The following HIP1R variants were observed in gnomAD, a reference collection of about 807,000 sequenced individuals.
The protein encoded by HIP1R is huntingtin interacting protein 1 related, also known as huntingtin-interacting protein 1-related protein.
Under a neutral mutation model 144.2 loss-of-function variants are expected in HIP1R, and 135 were observed. The ratio of observed to expected loss-of-function variants is 0.94; its 90% CI spans 0.81 to 1.08. HIP1R has a LOEUF of 1.08. Ranked by LOEUF, HIP1R falls within the 50% of genes least tolerant of loss-of-function variation. HIP1R has a pLI of 0.00. For synonymous variants in HIP1R, 698 were observed against 612.8 expected (o/e 1.14, Z -2.05); for missense variants, 1,462 against 1,432.8 (o/e 1.02, Z -0.33).
chr12:122,851,051 A>T, intron 6 of HIP1R, 140 bp downstream of exon 6: 3 of 878,290 alleles, frequency 3.4e-6, no homozygotes, highest in Middle Eastern at 3.3e-4. Flanking sequence ...TCACGCTCCC[A>T]GGGACAGAGG....
At chr12:122,861,084 A>C in intron 29 of HIP1R, 45 bp downstream of exon 29, 1 of 1,613,442 alleles carries the variant, frequency 6.2e-7, no homozygotes. Context: ...CCGAGGCTGA[A>C]TGGGGGTGGG....
Position 122,861,414 on chromosome 12 carries a change from A to G in HIP1R, c.3059A>G (p.Glu1020Gly). 6.2e-7 allele frequency: 1 copy of G among 1,613,352 alleles called. No homozygotes were observed. Among genetic ancestry groups the G allele is most frequent in the Non-Finnish European group, 8.5e-7 (1 of 1,179,832 alleles). The change falls in exon 31 of 32, where the codon GAG becomes GGG. Residue 1020 changes from glutamate (E) to glycine (G), a missense_variant. Transcript: ENST00000253083. ...GCTGGGGCATCAGGCAGCCCTGGAG[A>G]GGAGGTGGCCATCCGGCCCAGCACT... ...VLAGASGSPG[E>G]EVAIRPSTAP...
Position 122,854,941 on chromosome 12 carries a change from G to A in HIP1R, c.755G>A (p.Arg252Gln), listed in dbSNP as rs760702351. ...PADTLQGHRD[R>Q]FHEQFHSLRN... ...GACACCCTGCAAGGCCACAGGGACC[G>A]GTTCCACGAGCAGTTTCACAGGTAC... Residue 252 changes from arginine (R) to glutamine (Q), a missense_variant, in exon 9 of 32, where the codon CGG (arginine) becomes CAG (glutamine). Coordinates refer to ENST00000253083, the MANE Select transcript of HIP1R (RefSeq NM_003959.3). The A allele has an allele frequency of 8.7e-6, 14 of 1,612,226 alleles. No individual in the cohort carries two copies. Among genetic ancestry groups the A allele is most frequent in the Middle Eastern group, 1.7e-4 (1 of 6,044 alleles).
At chr12:122,857,244 A>G (rs2033614353) in intron 18 of HIP1R, 29 bp downstream of exon 18, 2 of 1,535,604 alleles carry the variant, frequency 1.3e-6, no homozygotes, top group East Asian at 2.5e-5. Flanking sequence ...CAGCAGCACC[A>G]CTGAGTTCAC....
chr12:122,846,527 T>G (rs963513864), intron 1 of HIP1R, among the ~76,000 whole-genome samples: 6 of 152,188 alleles, frequency 3.9e-5, no homozygotes, highest in African/African-American at 1.4e-4. Flanking sequence ...GATACGAGTT[T>G]GTTCAAGGAA....
intron 1 of HIP1R, among the ~76,000 whole-genome samples, chr12:122,838,810 T>G (rs12299742): frequency 0.11 from 16,487 of 152,024 alleles, 1,539 homozygotes; most frequent in African/African-American, 0.25. Flanking sequence ...TCGGACTGAG[T>G]CCATGTGAGA....
In HIP1R at chr12:122,859,827, A is replaced by G; in HGVS notation, c.2462A>G (p.Glu821Gly). The G allele has an allele frequency of 6.2e-7, 1 of 1,612,322 alleles. No individual in the cohort carries two copies. Among genetic ancestry groups the G allele is most frequent in the South Asian group, 1.1e-5 (1 of 90,956 alleles). The change falls in exon 24 of 32, where the codon GAG (glutamate) becomes GGG (glycine). Residue 821 changes from glutamate (E) to glycine (G), a missense_variant. Glu to Gly is a moderately conservative substitution (Grantham distance 98). This residue lies in a region of HIP1R where 1,112 missense variants were observed against 1,011.7 expected (regional missense o/e 1.10). Coordinates refer to ENST00000253083, the MANE Select transcript of HIP1R (RefSeq NM_003959.3). The part of the protein sequence containing the change: ...ASSGVKLEVN[E>G]RILNSCTDLM... ...TCGGGGGTGAAGCTGGAGGTGAACG[A>G]GAGGTGAGCCCCCCTTCTGTCCCCC... is the stretch of plus-strand genomic sequence containing the variant.
intron 11 of HIP1R, 23 bp from the exon 12 acceptor site, chr12:122,855,528 G>T (rs557693664): frequency 3.9e-6 from 6 of 1,549,454 alleles, no homozygotes; most frequent in Admixed American, 3.9e-5. Context: ...GGTGAGTGGG[G>T]TCACCATGCT....
Position 122,858,373 on chromosome 12 carries a change from A to C in HIP1R, c.1988A>C (p.Glu663Ala). ...SPDYLVSRAQ[E>A]ALDAVSTLEE... ...GACTACCTGGTGAGCAGGGCCCAGGAGGCCTTGGATGCCGTGAGCACCCTG... is the reference window on the plus strand; with the variant it reads ...GACTACCTGGTGAGCAGGGCCCAGGCGGCCTTGGATGCCGTGAGCACCCTG... Residue 663 changes from glutamate (E) to alanine (A), a missense_variant, in exon 20 of 32, where the codon GAG (glutamate) becomes GCG (alanine). Physicochemically the swap from Glu to Ala is moderately radical, Grantham distance 107 (BLOSUM62 -1). Around this residue, in one of 2 missense-constraint regions of HIP1R, gnomAD observed 1,112 missense variants for 1,011.7 expected, o/e 1.10. Coordinates refer to ENST00000253083, the MANE Select transcript of HIP1R (RefSeq NM_003959.3). 6.2e-7 allele frequency: 1 copy of C among 1,610,670 alleles called. No individual in the cohort carries two copies. Among genetic ancestry groups the C allele is most frequent in the Non-Finnish European group, 8.5e-7 (1 of 1,178,322 alleles).
chr12:122,839,854 C>T (rs749388684), intron 1 of HIP1R, among the ~76,000 whole-genome samples: 4 of 152,250 alleles, frequency 2.6e-5, no homozygotes, highest in Non-Finnish European at 5.9e-5. Context: ...CACAGCTGAT[C>T]TCAGTCTGGA....
In HIP1R at chr12:122,849,825, T is replaced by G. The variant is rs533193550; in HGVS notation, c.358-50T>G. ...CTCGTGCCCAGGTCCTTGAGGACTC[T>G]TGGACGTGTTCACGAGCCGTGGCCC... On this transcript the variant is annotated intron_variant, in intron 4 of 31. Transcript: ENST00000253083. 27 of 1,386,042 alleles carry G rather than the reference T, an allele frequency of 1.9e-5. No homozygotes were observed. The African/African-American group carries it at 2.5e-4, about 13-fold the overall frequency. 85.9% of individuals were successfully genotyped at this position (1,386,042 alleles called of 1,614,324 possible).
chr12:122,837,713 T>TA (rs1460564978), intron 1 of HIP1R, among the ~76,000 whole-genome samples: 1 of 152,240 alleles, frequency 6.6e-6, no homozygotes, highest in Non-Finnish European at 1.5e-5. Flanking sequence ...TCACAGGTCT[T>TA]ACCTATTCTA....
rs552378575 is a variant in HIP1R at position 122,858,179 on chromosome 12, C to G, written c.1893C>G (p.Ala631=). Residue 631 remains alanine (A), a synonymous_variant, in exon 19 of 32, where the codon GCC becomes GCG. Transcript: ENST00000253083. ...FAVLRGAAAE[A]AGILQDAVSK... ...TGTTGCGGGGCGCTGCTGCCGAGGCCGCGGGCATCCTGCAGGATGCCGTGA... is the reference window on the plus strand; with the variant it reads ...TGTTGCGGGGCGCTGCTGCCGAGGCGGCGGGCATCCTGCAGGATGCCGTGA... 6.2e-7 allele frequency: 1 copy of G among 1,607,458 alleles called. No homozygotes were observed. The highest frequency in any genetic ancestry group is 1.1e-5 in the South Asian group (1 of 90,838).
chr12:122,855,149 C>T, intron 10 of HIP1R, 21 bp downstream of exon 10: 1 of 1,610,872 alleles, frequency 6.2e-7, no homozygotes, highest in South Asian at 1.1e-5. Context: ...CAAGAGGGCC[C>T]CGAGGCCCTT....
chr12:122,855,340 C>A lies in HIP1R; in HGVS notation c.928C>A (p.Pro310Thr), dbSNP rs1465538138. Reference protein sequence around the residue: ...KPVVVIPEEAPEDEEPENLIE... With the variant: ...KPVVVIPEEATEDEEPENLIE... ...GGTGGTGGTGATCCCCGAGGAGGCC[C>A]CGGAAGATGAGGAGCCGGAGAATCT... Residue 310 changes from proline to threonine, a missense_variant, in exon 11 of 32, where the codon CCG becomes ACG. By Grantham distance (38) the Pro-to-Thr change is conservative. Transcript: ENST00000253083. 1 of 1,610,046 alleles carries A rather than the reference C, an allele frequency of 6.2e-7. No individual in the cohort carries two copies. The highest frequency in any genetic ancestry group is 1.7e-5 in the Admixed American group (1 of 59,586).
Position 122,860,447 on chromosome 12 carries a change from T to C in HIP1R, c.2584T>C (p.Tyr862His). The change falls in exon 27 of 32, where the codon TAC (tyrosine) becomes CAC (histidine). Residue 862 changes from tyrosine (Y) to histidine (H), a missense_variant. Tyr to His is a moderately conservative substitution (Grantham distance 83). Coordinates refer to ENST00000253083, the MANE Select transcript of HIP1R (RefSeq NM_003959.3). The stretch of plus-strand genomic sequence containing the variant: ...GGGGGCAGCCACGCAGCAGGAATTT[T>C]ACGCCAAGAACTCGCGCTGGACCGA... ...GRGAATQQEF[Y>H]AKNSRWTEGL... is the part of the protein sequence containing the mutation. The C allele has an allele frequency of 6.2e-7, 1 of 1,613,458 alleles. No homozygotes were observed. Among genetic ancestry groups the C allele is most frequent in the Non-Finnish European group, 8.5e-7 (1 of 1,180,010 alleles).
At chr12:122,845,876 G>A (rs778819737) in intron 1 of HIP1R, among the ~76,000 whole-genome samples, 10 of 152,256 alleles carry the variant, frequency 6.6e-5, no homozygotes, top group Non-Finnish European at 8.8e-5. Context: ...GTCTTTCCTC[G>A]CAAAGAGGAG....
chr12:122,849,153 C>T lies in HIP1R; in HGVS notation c.357+301C>T, dbSNP rs549490703. ...ACCTCGGTGGTTAGAGAGCCTGTGG[C>T]AGGGCGCAGGTTCCTGGGCTCCCCC... On this transcript the variant is annotated intron_variant, in intron 4 of 31. Transcript: ENST00000253083. Among the ~76,000 whole-genome samples, 7 of 152,376 alleles carry T rather than the reference C, an allele frequency of 4.6e-5. No individual in the cohort carries two copies. The East Asian group carries it at 5.8e-4, about 13-fold the overall frequency.
At position 122,858,153 on chromosome 12, in the gene HIP1R, G is replaced by C. The variant is rs202046624; in HGVS notation, c.1867G>C (p.Val623Leu). The change falls in exon 19 of 32, where the codon GTG becomes CTG. Residue 623 changes from valine (V) to leucine (L), a missense_variant. Physicochemically the swap from Val to Leu is conservative, Grantham distance 32 (BLOSUM62 1). Transcript: ENST00000253083. ...RQRLLDEQFAVLRGAAAEAAG... is the reference protein window; with the variant it reads ...RQRLLDEQFALLRGAAAEAAG... ...GAGGCTGCTGGACGAGCAGTTCGCA[G>C]TGTTGCGGGGCGCTGCTGCCGAGGC... 2 of 1,605,234 alleles carry C rather than the reference G, an allele frequency of 1.2e-6. No individual in the cohort carries two copies. Among genetic ancestry groups the C allele is most frequent in the East Asian group, 2.2e-5 (1 of 44,776 alleles).
Sources: allele counts gnomAD v4.1 joint callset (sites outside exome capture counted in the v4.1 genomes callset), GRCh38; gene constraint gnomAD v4.1.1; regional missense constraint gnomAD v4.1.1; transcripts MANE v1.5; gene names NCBI Gene and HGNC (gene_info 2026-07-23, HGNC 2026-07-21).